LY75: variants seen among roughly 807,000 people sequenced by gnomAD.
The protein encoded by LY75 is lymphocyte antigen 75, also known as C-type lectin domain family 13 member B.
LY75 carries 185 observed loss-of-function variants against 231.7 expected under a neutral mutation model. That is an observed-to-expected ratio of 0.80 (90% CI 0.71 to 0.90). LY75 has a LOEUF of 0.90. Ranked by LOEUF, LY75 falls within the 40% of genes least tolerant of loss-of-function variation. The probability of loss-of-function intolerance (pLI) is 0.00; values close to 1 mark genes in which losing one functional copy is unlikely to be tolerated. For missense variants in LY75, 1,947 were observed against 2,050.2 expected (o/e 0.95, Z 0.97); for synonymous variants, 668 against 689.0 (o/e 0.97, Z 0.48).
intron 27 of LY75, among the ~76,000 whole-genome samples, chr2:159,832,212 A>T (rs1209241147): frequency 6.6e-6 from 1 of 152,130 alleles, no homozygotes; most frequent in East Asian, 1.9e-4. Flanking sequence ...GTTAGGAACC[A>T]GGCCTGTTAG....
chr2:159,823,755 C>A (rs1683373700), intron 28 of LY75, among the ~76,000 whole-genome samples: 1 of 152,170 alleles, frequency 6.6e-6, no homozygotes, highest in Non-Finnish European at 1.5e-5. Context: ...GATCTCCCTG[C>A]AGAAACTTTA....
intron 23 of LY75, among the ~76,000 whole-genome samples, chr2:159,845,462 A>G (rs939070950): frequency 1.3e-5 from 2 of 151,772 alleles, no homozygotes; most frequent in Admixed American, 6.6e-5. Flanking sequence ...ATGTGTGTAT[A>G]TAACATATCA....
chr2:159,893,817 TGCAGTCAC>T, intron 3 of LY75, 89 bp downstream of exon 3: 1 of 1,417,908 alleles, frequency 7.1e-7, no homozygotes, highest in African/African-American at 1.5e-5. Flanking sequence ...ATAATATTTT[TGCAGTCAC>T]TTTTGAGTCA....
At position 159,893,950 on chromosome 2, in the gene LY75, C is replaced by T; in HGVS notation, c.601G>A (p.Glu201Lys). ...GPWCATTLNY[E>K]YDRKWGICLK... ...CAGATGCCCCACTTTCGGTCATATT[C>T]ATAATTTAAGGTGGTGGCACACCAT... Residue 201 changes from glutamate (E) to lysine (K), a missense_variant, in exon 3 of 35, where the codon GAA becomes AAA. Glu to Lys is a moderately conservative substitution (Grantham distance 56). Transcript: ENST00000263636. The T allele has an allele frequency of 1.2e-6, 2 of 1,613,398 alleles. No individual in the cohort carries two copies. Among genetic ancestry groups the T allele is most frequent in the Middle Eastern group, 3.3e-4 (2 of 6,052 alleles).
rs201850191 is a variant in LY75, at chr2:159,840,956, C to T, written c.3281-1G>A. On this transcript the variant is annotated splice_acceptor_variant, in intron 24 of 34. Coordinates refer to ENST00000263636, the MANE Select transcript of LY75 (RefSeq NM_002349.4). LOFTEE classifies it high-confidence loss of function. ...TGCAACGTCTGTCTGCTTTTAACTT[C>T]TGCATGTAAAAGAAAACAACAACAA... 40 of 1,612,622 alleles carry T rather than the reference C, an allele frequency of 2.5e-5. No homozygotes were observed. The East Asian group carries it at 8.9e-4, about 36-fold the overall frequency.
intron 28 of LY75, among the ~76,000 whole-genome samples, chr2:159,822,276 G>A (rs57924557): frequency 0.1 from 15,506 of 152,144 alleles, 2,713 homozygotes; most frequent in African/African-American, 0.35. Context: ...AGGAAACTAA[G>A]ATCTACTGGC....
At chr2:159,871,367 G>A (rs1396866673) in intron 13 of LY75, among the ~76,000 whole-genome samples, 1 of 152,076 alleles carries the variant, frequency 6.6e-6, no homozygotes, top group Non-Finnish European at 1.5e-5. Context: ...GCAAATTGGA[G>A]AGTCAGGCCC....
At chr2:159,838,904 T>C (rs527813776) in intron 25 of LY75, among the ~76,000 whole-genome samples, 1 of 152,276 alleles carries the variant, frequency 6.6e-6, no homozygotes, top group East Asian at 1.9e-4. Flanking sequence ...CAAGTGATTC[T>C]GGTGCCTCAG....
chr2:159,829,920 G>A (rs540005622), intron 28 of LY75, among the ~76,000 whole-genome samples: 1 of 152,090 alleles, frequency 6.6e-6, no homozygotes, highest in Non-Finnish European at 1.5e-5. Flanking sequence ...TATACCAAAG[G>A]GTACAATTTC....
rs767025108 is a variant in LY75 at position 159,885,249 on chromosome 2, T to C, written c.958A>G (p.Met320Val). ...TGCCACAGACCAGACTCAGCATCCA[T>C]TCTTGCACAGCTGGAGCCACCTATA... is the stretch of plus-strand genomic sequence containing the variant. The part of the protein sequence containing the change: ...PTIGGSSCAR[M>V]DAESGLWQSF... The change falls in exon 6 of 35, where the codon ATG becomes GTG. Residue 320 changes from methionine (M) to valine (V), a missense_variant. Physicochemically the swap from Met to Val is conservative, Grantham distance 21 (BLOSUM62 1). Transcript: ENST00000263636. 2 of 1,613,676 alleles carry C rather than the reference T, an allele frequency of 1.2e-6. No individual in the cohort carries two copies. Among genetic ancestry groups the C allele is most frequent in the Non-Finnish European group, 8.5e-7 (1 of 1,179,690 alleles).
At chr2:159,889,123 T>C (rs948826643) in intron 4 of LY75, among the ~76,000 whole-genome samples, 3 of 152,150 alleles carry the variant, frequency 2.0e-5, no homozygotes, top group Non-Finnish European at 4.4e-5. Flanking sequence ...TACAAGACTA[T>C]GGAAAGAGTT....
At position 159,872,555 on chromosome 2, in the gene LY75, C is replaced by T. The variant is rs200781146; in HGVS notation, c.2013G>A (p.Trp671Ter). The T allele has an allele frequency of 1.2e-5, 20 of 1,613,756 alleles. No homozygotes were observed. The highest frequency in any genetic ancestry group is 1.6e-5 in the Non-Finnish European group (19 of 1,179,874). The change falls in exon 13 of 35, where the codon TGG (tryptophan) becomes TGA (stop). Residue 671 changes from tryptophan to a stop codon, truncating the protein, a stop_gained. Coordinates refer to ENST00000263636, the MANE Select transcript of LY75 (RefSeq NM_002349.4). LOFTEE classifies it high-confidence loss of function. ...HAERIVRKRN[W>*]EEAERFCQAL... is the part of the protein sequence containing the mutation. ...CTTGGCAGAATCGTTCAGCTTCTTC[C>T]CAGTTCCTCTTTCTTACAATTCTTT... is the stretch of plus-strand genomic sequence containing the variant.
chr2:159,824,026 A>T (rs1276137108), intron 28 of LY75, among the ~76,000 whole-genome samples: 1 of 152,224 alleles, frequency 6.6e-6, no homozygotes, highest in African/African-American at 2.4e-5. Flanking sequence ...CACACTATGA[A>T]GAAACTGCAT....
intron 15 of LY75, among the ~76,000 whole-genome samples, chr2:159,860,490 C>T (rs1684671664): frequency 6.6e-6 from 1 of 152,204 alleles, no homozygotes; most frequent in African/African-American, 2.4e-5. Context: ...GAAACTCTAT[C>T]CATCCTTAAA....
intron 23 of LY75, among the ~76,000 whole-genome samples, chr2:159,844,336 A>C (rs1002947374): frequency 2.0e-5 from 3 of 151,868 alleles, no homozygotes; most frequent in Non-Finnish European, 4.4e-5. Flanking sequence ...AAAAAAAAAA[A>C]AAAAAAACTA....
intron 25 of LY75, among the ~76,000 whole-genome samples, chr2:159,836,531 A>T (rs1683833914): frequency 1.3e-5 from 2 of 152,206 alleles, no homozygotes; most frequent in South Asian, 4.1e-4. Context: ...TTACATACCC[A>T]CTGGTGGGCC....
At chr2:159,850,626 T>A in intron 21 of LY75, 159 bp from the exon 22 acceptor site, 1 of 499,992 alleles carries the variant, frequency 2.0e-6, no homozygotes, top group Non-Finnish European at 2.6e-6. Context: ...ATGCTCTCAT[T>A]AATTATTTAA....
At chr2:159,854,869 G>T (rs1156835657) in intron 17 of LY75, 35 bp downstream of exon 17, 1 of 1,612,098 alleles carries the variant, frequency 6.2e-7, no homozygotes, top group Admixed American at 1.7e-5. Context: ...CAAGGTAAAA[G>T]CAGCTTTGGT....
rs1684490099 is a variant in LY75, at chr2:159,854,481, A to G, written c.2474T>C (p.Phe825Ser). Reference sequence around the variant, plus strand: ...ATAGTTTAGGTGAAGATCAGCAACAAACCAATATTCACTTCCTTCAATTAT... The same window carrying G: ...ATAGTTTAGGTGAAGATCAGCAACAGACCAATATTCACTTCCTTCAATTAT... ...PLIIEGSEYW[F>S]VADLHLNYEE... The change falls in exon 18 of 35, where the codon TTT becomes TCT. Residue 825 changes from phenylalanine to serine, a missense_variant. By Grantham distance (155) the Phe-to-Ser change is radical (BLOSUM62 -2). Coordinates refer to ENST00000263636, the MANE Select transcript of LY75 (RefSeq NM_002349.4). 2 of 1,613,656 alleles carry G rather than the reference A, an allele frequency of 1.2e-6. No individual in the cohort carries two copies. The highest frequency in any genetic ancestry group is 4.5e-5 in the East Asian group (2 of 44,866).
Sources: gnomAD v4.1 joint callset for allele counts (sites outside exome capture counted in the v4.1 genomes callset) on GRCh38, gnomAD v4.1.1 for gene constraint, MANE v1.5 for transcripts, NCBI Gene and HGNC (gene_info 2026-07-23, HGNC 2026-07-21) for gene names.